Variants in GIT2 observed in about 807,000 individuals in gnomAD.
GIT2 encodes GIT ArfGAP 2, also known as ARF GTPase-activating protein GIT2.
In GIT2, 32 loss-of-function variants were observed where a neutral mutation model predicts 100.3. The ratio of observed to expected loss-of-function variants is 0.32; its 90% confidence interval spans 0.24 to 0.43. The LOEUF is 0.43. GIT2 is among the 20% of genes least tolerant of loss of function. GIT2 has a pLI of 1.00. For synonymous variants in GIT2, 353 were observed against 364.1 expected, an observed-to-expected ratio of 0.97 and a Z score of 0.35; for missense variants, 737 against 975.1, an observed-to-expected ratio of 0.76 and a Z score of 3.25.
chr12:109,977,164 C>G (rs2136681492), intron 7 of GIT2, among the ~76,000 whole-genome samples: 1 of 152,214 alleles, frequency 6.6e-6, no homozygotes, highest in Non-Finnish European at 1.5e-5. Context: ...TCTGGGTTCA[C>G]AGCTCTTTTC....
intron 11 of GIT2, 48 bp from the exon 12 acceptor site, chr12:109,960,006 T>G: frequency 3.3e-6 from 4 of 1,225,138 alleles, no homozygotes; most frequent in Non-Finnish European, 4.8e-6. Context: ...TAAAAATATA[T>G]ACATAAATAG....
chr12:109,983,736 G>T, intron 4 of GIT2, 42 bp from the exon 5 acceptor site: 2 of 1,320,726 alleles, frequency 1.5e-6, no homozygotes, highest in Non-Finnish European at 1.1e-6. Flanking sequence ...GGTTAGAGGT[G>T]TAAAGAATGA....
upstream of GIT2, chr12:109,999,803 G>A (rs1268053584): frequency 3.3e-6 from 5 of 1,524,640 alleles, no homozygotes; most frequent in Middle Eastern, 1.7e-4. This position sits in a 1 kb window ranked among gnomAD's most constrained non-coding sequence, Gnocchi z 4.3. Context: ...CGGGGCGGGG[G>A]TCCGTCTCCC....
chr12:109,988,929 CG>C, intron 4 of GIT2, 33 bp downstream of exon 4: 1 of 1,177,318 alleles, frequency 8.5e-7, no homozygotes, highest in Non-Finnish European at 1.3e-6. Flanking sequence ...TGTCTCAGCC[CG>C]CTCTTTTAGG....
intron 4 of GIT2, among the ~76,000 whole-genome samples, chr12:109,985,808 G>A (rs1201316457): frequency 4.0e-5 from 6 of 151,780 alleles, no homozygotes; most frequent in Non-Finnish European, 7.4e-5. Context: ...AGCCGAGATC[G>A]TGCCACTGCA....
In GIT2 at chr12:109,947,247, G is replaced by C. The variant is rs761346634; in HGVS notation, c.1641+9C>G. 1 of 1,610,358 alleles carries C rather than the reference G, an allele frequency of 6.2e-7. No homozygotes were observed. The highest frequency in any genetic ancestry group is 1.3e-5 in the African/African-American group (1 of 74,830). ...AGTGAACAGCAGAAGCGCCAGTGGT[G>C]TTACTTACGTGCGCGGGGAAGGGCT... On this transcript the variant is annotated intron_variant, in intron 15 of 19. Coordinates refer to ENST00000355312, the MANE Select transcript of GIT2 (RefSeq NM_057169.5). The surrounding 1 kb of genome is among the most constrained non-coding windows in gnomAD (Gnocchi z 4.3).
At position 109,983,441 on chromosome 12, in the gene GIT2, T is replaced by TA; in HGVS notation, c.554dup (p.Leu185PhefsTer15). 6.2e-7 allele frequency: 1 copy of TA among 1,613,432 alleles called. No homozygotes were observed. The highest frequency in any genetic ancestry group is 8.5e-7 in the Non-Finnish European group (1 of 1,179,332). Reference sequence around the variant, plus strand: ...CTGGGTCTGCTCCATATACTGCCAATAATTCAGCCTGTAAAATCTGCCCTG... The same window carrying TA: ...CTGGGTCTGCTCCATATACTGCCAATAAATTCAGCCTGTAAAATCTGCCCTG... On this transcript the variant is annotated frameshift_variant, in exon 6 of 20. Coordinates refer to ENST00000355312, the MANE Select transcript of GIT2 (RefSeq NM_057169.5). LOFTEE classifies it high-confidence loss of function.
intron 17 of GIT2, chr12:109,938,854 C>A: frequency 2.0e-6 from 1 of 487,816 alleles, no homozygotes; most frequent in Non-Finnish European, 3.6e-6. Context: ...CTCAGGTGGG[C>A]CAACTCCTTG....
At chr12:109,989,616 A>C (rs1888026426) in intron 3 of GIT2, 74 bp downstream of exon 3, 1 of 870,228 alleles carries the variant, frequency 1.1e-6, no homozygotes, top group Non-Finnish European at 1.9e-6. Flanking sequence ...AGACTGACCA[A>C]AAATAGCTGC....
At chr12:109,951,997 C>T (rs1030120048) in intron 13 of GIT2, among the ~76,000 whole-genome samples, 2 of 152,180 alleles carry the variant, frequency 1.3e-5, no homozygotes, top group Middle Eastern at 3.4e-3. Context: ...GGAGGCCAGG[C>T]GGTTGACAGA....
At chr12:109,954,466 C>G (rs1279891326) in intron 12 of GIT2, 3 of 152,118 alleles carry the variant, frequency 2.0e-5, no homozygotes, top group Non-Finnish European at 2.9e-5. Context: ...ACACTTTGAA[C>G]AAAAGATTTC....
chr12:109,933,348 TGC>T lies in GIT2; in HGVS notation c.2068-160_2068-159del. On this transcript the variant is annotated intron_variant, in intron 19 of 19. Coordinates refer to ENST00000355312, the MANE Select transcript of GIT2 (RefSeq NM_057169.5). The surrounding 1 kb of genome is among the most constrained non-coding windows in gnomAD (Gnocchi z 4.5). ...GGGGTGCTTCACACACTCCAAGCTTTGCAGCCCACAGCGTAAGAGATGCTGAA... is the reference window on the plus strand; with the variant it reads ...GGGGTGCTTCACACACTCCAAGCTTTAGCCCACAGCGTAAGAGATGCTGAA... 1.7e-6 allele frequency: 1 copy of T among 590,494 alleles called. No individual in the cohort carries two copies. Among genetic ancestry groups the T allele is most frequent in the Non-Finnish European group, 3.0e-6 (1 of 330,148 alleles). 36.6% of individuals were successfully genotyped at this position (590,494 alleles called of 1,614,324 possible). A position where few individuals can be genotyped will look rare whatever the true frequency, so the allele number is the denominator to read the frequency against.
chr12:109,952,949 C>A (rs1940522434), intron 13 of GIT2, 143 bp downstream of exon 13: 1 of 711,300 alleles, frequency 1.4e-6, no homozygotes. Flanking sequence ...GACAAGGATC[C>A]CTATTTTAAA....
chr12:109,982,709 C>G (rs558333200), intron 6 of GIT2: 1 of 146,660 alleles, frequency 6.8e-6, no homozygotes, highest in Non-Finnish European at 1.5e-5. Flanking sequence ...GGCATGGTCT[C>G]GGCTCACAGC....
chr12:109,971,943 G>T (rs111758241), intron 7 of GIT2, among the ~76,000 whole-genome samples: 1 of 150,708 alleles, frequency 6.6e-6, no homozygotes, highest in East Asian at 2.0e-4. Context: ...GCAGTGAGCC[G>T]AGATCACACC....
Position 109,947,701 on chromosome 12 carries a change from T to A in GIT2, c.1393-197A>T, listed in dbSNP as rs891684367. On this transcript the variant is annotated intron_variant, in intron 14 of 19. Coordinates refer to ENST00000355312, the MANE Select transcript of GIT2 (RefSeq NM_057169.5). This position sits in a 1 kb window ranked among gnomAD's most constrained non-coding sequence, Gnocchi z 4.3. ...AACACAATCAACTCCCTTCATCACG[T>A]AAGCAAATTAAATAGCTTCATTTCT... 12 of 559,330 alleles carry A rather than the reference T, an allele frequency of 2.1e-5. No homozygotes were observed. The South Asian group carries it at 2.5e-4, about 12-fold the overall frequency. 34.6% of individuals were successfully genotyped at this position (559,330 alleles called of 1,614,324 possible).
At chr12:109,994,419 C>T (rs1046933518) in intron 1 of GIT2, among the ~76,000 whole-genome samples, 4 of 152,136 alleles carry the variant, frequency 2.6e-5, no homozygotes, top group African/African-American at 9.7e-5. Context: ...GGGGAGAAGG[C>T]CTTAGCATTC....
intron 4 of GIT2, among the ~76,000 whole-genome samples, chr12:109,984,301 A>G (rs1466913569): frequency 2.0e-5 from 3 of 152,066 alleles, no homozygotes; most frequent in Admixed American, 1.3e-4. Flanking sequence ...AGTCCCAGCT[A>G]CTAAGGAGGC....
In GIT2 at chr12:109,933,057, T is replaced by G; in HGVS notation, c.2201A>C (p.Gln734Pro). 6.2e-7 allele frequency: 1 copy of G among 1,613,604 alleles called. No homozygotes were observed. The highest frequency in any genetic ancestry group is 1.3e-5 in the African/African-American group (1 of 75,062). Residue 734 changes from glutamine to proline, a missense_variant, in exon 20 of 20, where the codon CAG (glutamine) becomes CCG (proline). Physicochemically the swap from Gln to Pro is moderately conservative, Grantham distance 76. Coordinates refer to ENST00000355312, the MANE Select transcript of GIT2 (RefSeq NM_057169.5). This position sits in a 1 kb window ranked among gnomAD's most constrained non-coding sequence, Gnocchi z 4.5. ...GATGTCGTACGCACACTGGATGACC[T>G]GCTGCGTGACCAGCTGAACGTCTGT... is the stretch of plus-strand genomic sequence containing the variant. ...SPTDVQLVTQ[Q>P]VIQCAYDIAK... is the part of the protein sequence containing the mutation.
Sources: allele counts gnomAD v4.1 joint callset (sites outside exome capture counted in the v4.1 genomes callset), GRCh38; gene constraint gnomAD v4.1.1; non-coding constraint Gnocchi (gnomAD v3.1); transcripts MANE v1.5; gene names NCBI Gene and HGNC (gene_info 2026-07-23, HGNC 2026-07-21).